PLCD4: variants seen among roughly 807,000 people sequenced by gnomAD.
The protein encoded by PLCD4 is phospholipase C delta 4, also known as 1-phosphatidylinositol 4,5-bisphosphate phosphodiesterase delta-4.
In PLCD4, 63 loss-of-function variants were observed where a neutral mutation model predicts 90.2. That is an observed-to-expected ratio of 0.70 (90% CI 0.57 to 0.86). The LOEUF is 0.86. Among genes scored for constraint, PLCD4 ranks in the 40% least tolerant of loss-of-function variants. The pLI is 0.00. For synonymous variants in PLCD4, 294 were observed against 356.5 expected (o/e 0.82, Z 1.97); for missense variants, 830 against 956.3 (o/e 0.87, Z 1.74).
intron 10 of PLCD4, among the ~76,000 whole-genome samples, 160 bp downstream of exon 10, chr2:218,632,472 T>A (rs1036954714): frequency 6.6e-6 from 1 of 152,134 alleles, no homozygotes; most frequent in African/African-American, 2.4e-5. Flanking sequence ...CATCAATATA[T>A]ATTATATACT....
rs892460068 is a variant in PLCD4, at chr2:218,634,381, T to C, written c.1724-77T>C. ...GCAGGTACCGTGCACCCAGTACCTA[T>C]CTTCTTAACTCCCTGAAAGAGGGGC... On this transcript the variant is annotated intron_variant, in intron 12 of 15. Coordinates refer to ENST00000450993, the MANE Select transcript of PLCD4 (RefSeq NM_032726.4). The surrounding 1 kb of genome is among the most constrained non-coding windows in gnomAD (Gnocchi z 4.0). 3 of 1,571,660 alleles carry C rather than the reference T, an allele frequency of 1.9e-6. No homozygotes were observed. In the Admixed American group the frequency reaches 5.3e-5, roughly 28 times the overall value.
intron 3 of PLCD4, 139 bp from the exon 4 acceptor site, chr2:218,618,440 C>T (rs1487097028): frequency 1.2e-5 from 8 of 695,036 alleles, no homozygotes; most frequent in African/African-American, 3.6e-5. Flanking sequence ...TGTACTAATG[C>T]TTTTTGGGAT....
In PLCD4 at chr2:218,636,258, G is replaced by C. The variant is rs1293954280; in HGVS notation, c.2048G>C (p.Trp683Ser). 6.2e-7 allele frequency: 1 copy of C among 1,613,960 alleles called. No individual in the cohort carries two copies. The highest frequency in any genetic ancestry group is 1.1e-5 in the South Asian group (1 of 91,082). ...YVENNGFNPY[W>S]GQTLCFRVLV... Reference sequence around the variant, plus strand: ...ACCAACTCAGGTTTTAATCCATACTGGGGGCAGACACTATGTTTCCGGGTG... The same window carrying C: ...ACCAACTCAGGTTTTAATCCATACTCGGGGCAGACACTATGTTTCCGGGTG... The change falls in exon 15 of 16, where the codon TGG becomes TCG. Residue 683 changes from tryptophan (W) to serine (S), a missense_variant. Transcript: ENST00000450993.
At chr2:218,627,520 C>CT (rs980413681) in intron 6 of PLCD4, among the ~76,000 whole-genome samples, 22 of 148,534 alleles carry the variant, frequency 1.5e-4, no homozygotes, top group African/African-American at 1.5e-4. Context: ...CTCAAATGAA[C>CT]TTTTTTTTTT....
chr2:218,610,245 C>T lies in PLCD4; in HGVS notation c.-34+2175C>T, dbSNP rs373538891. 6.6e-5 allele frequency among the ~76,000 whole-genome samples: 10 copies of T among 151,700 alleles called. No homozygotes were observed. The East Asian group carries it at 1.6e-3, about 24-fold the overall frequency. ...AAAGAGGCTGGGCATGGTGGCTCAC[C>T]CCTGTAACCCCAGCACTTAGGGAGG... is the stretch of plus-strand genomic sequence containing the variant. On this transcript the variant is annotated intron_variant, in intron 1 of 15. Transcript: ENST00000450993.
chr2:218,617,661 T>A (rs1192302602), intron 3 of PLCD4, among the ~76,000 whole-genome samples: 2 of 152,120 alleles, frequency 1.3e-5, no homozygotes, highest in Non-Finnish European at 2.9e-5. Flanking sequence ...CATAATTTGA[T>A]CACAGGACAC....
intron 1 of PLCD4, 31 bp from the exon 2 acceptor site, chr2:218,615,676 C>T: frequency 6.6e-7 from 1 of 1,522,998 alleles, no homozygotes; most frequent in Non-Finnish European, 8.8e-7. Context: ...AAGATTCACC[C>T]AGAGCCCTTT....
At position 218,633,435 on chromosome 2, in the gene PLCD4, C is replaced by T. The variant is rs1010664154; in HGVS notation, c.1450-170C>T. On this transcript the variant is annotated intron_variant, in intron 10 of 15. Transcript: ENST00000450993. The stretch of plus-strand genomic sequence containing the variant: ...CCGTCTATCTGTTGTCAGATTGTGG[C>T]CCAGGCTCCTATTTCCAAGCCTGAG... 1.8e-5 allele frequency: 14 copies of T among 792,792 alleles called. No homozygotes were observed. The African/African-American group carries it at 2.4e-4, about 13-fold the overall frequency. The allele number at this position is 792,792 out of a possible 1,614,324, so 49.1% of individuals were successfully genotyped here.
In PLCD4 at chr2:218,629,665, T is replaced by G. The variant is rs761130470; in HGVS notation, c.1119+2T>G. The G allele has an allele frequency of 6.2e-7, 1 of 1,611,802 alleles. No homozygotes were observed. Among genetic ancestry groups the G allele is most frequent in the South Asian group, 1.1e-5 (1 of 90,878 alleles). On this transcript the variant is annotated splice_donor_variant, in intron 8 of 15. Coordinates refer to ENST00000450993, the MANE Select transcript of PLCD4 (RefSeq NM_032726.4). LOFTEE classifies it high-confidence loss of function. ...ACAGTAGCACAGTATGCCTTCCAGG[T>G]AGTAGCCCCAGGATGGGGACACTGG...
intron 1 of PLCD4, among the ~76,000 whole-genome samples, chr2:218,608,942 T>A (rs1695207920): frequency 6.6e-6 from 1 of 151,822 alleles, no homozygotes; most frequent in East Asian, 1.9e-4. Flanking sequence ...ATTGAGACCA[T>A]CCTGGCTAAC....
At chr2:218,628,477 G>A (rs1448667637) in intron 7 of PLCD4, 1 of 441,836 alleles carries the variant, frequency 2.3e-6, no homozygotes, top group East Asian at 3.4e-5. Flanking sequence ...GGCCCTGACA[G>A]ATTTATATTT....
rs750166743 is a variant in PLCD4, at chr2:218,634,615, G to C, written c.1881G>C (p.Gln627His). 6.2e-7 allele frequency: 1 copy of C among 1,613,758 alleles called. No homozygotes were observed. The highest frequency in any genetic ancestry group is 1.3e-5 in the African/African-American group (1 of 74,916). The change falls in exon 13 of 16, where the codon CAG becomes CAC. Residue 627 changes from glutamine to histidine, a missense_variant. Transcript: ENST00000450993. This position sits in a 1 kb window ranked among gnomAD's most constrained non-coding sequence, Gnocchi z 4.0. The stretch of plus-strand genomic sequence containing the variant: ...AGCCCATCAGCCCTTTCAAAGCCCA[G>C]ACTCTCTTAATCCAGGTACAGTGGA... The part of the protein sequence containing the change: ...PEKPISPFKA[Q>H]TLLIQVISGQ...
chr2:218,630,165 T>C (rs1031361842), intron 8 of PLCD4, among the ~76,000 whole-genome samples: 2 of 151,760 alleles, frequency 1.3e-5, no homozygotes, highest in Non-Finnish European at 2.9e-5. Flanking sequence ...GCAGCAAGAG[T>C]GAAACTCCAT....
intron 1 of PLCD4, among the ~76,000 whole-genome samples, chr2:218,615,058 C>G (rs1042990032): frequency 6.6e-6 from 1 of 151,892 alleles, no homozygotes; most frequent in African/African-American, 2.4e-5. Context: ...GAAAACCTGT[C>G]TGTACTAAAA....
intron 3 of PLCD4, among the ~76,000 whole-genome samples, chr2:218,617,909 C>T (rs1486756279): frequency 6.6e-6 from 1 of 151,996 alleles, no homozygotes; most frequent in Non-Finnish European, 1.5e-5. Flanking sequence ...CACAGTGAAA[C>T]CCCATCCCTA....
intron 1 of PLCD4, among the ~76,000 whole-genome samples, chr2:218,610,933 G>A (rs758133078): frequency 7.9e-5 from 12 of 152,026 alleles, no homozygotes; most frequent in East Asian, 3.9e-4. Context: ...TCACCATGTC[G>A]GTCAGGCTGG....
intron 4 of PLCD4, among the ~76,000 whole-genome samples, chr2:218,619,266 C>CATATATAT (rs3074252): frequency 6.8e-6 from 1 of 146,720 alleles, no homozygotes; most frequent in African/African-American, 2.5e-5. Context: ...TATAGGGGTA[C>CATATATAT]ATATATATAT....
Position 218,633,395 on chromosome 2 carries a change from T to C in PLCD4, c.1450-210T>C, listed in dbSNP as rs761386131. 5.6e-6 allele frequency: 4 copies of C among 712,246 alleles called. No individual in the cohort carries two copies. In the South Asian group the frequency reaches 5.9e-5, roughly 11 times the overall value. 44.1% of individuals were successfully genotyped at this position (712,246 alleles called of 1,614,324 possible). A position where few individuals can be genotyped will look rare whatever the true frequency, so the allele number is the denominator to read the frequency against. Reference sequence around the variant, plus strand: ...CCATTCCCACCCCCAGGTTGTGACGTGCCCGCTGTTTTGTCCGTCTATCTG... The same window carrying C: ...CCATTCCCACCCCCAGGTTGTGACGCGCCCGCTGTTTTGTCCGTCTATCTG... On this transcript the variant is annotated intron_variant, in intron 10 of 15. Transcript: ENST00000450993.
rs917777569 is a variant in PLCD4, at chr2:218,618,571, T to C, written c.182-8T>C. On this transcript the variant is annotated splice_polypyrimidine_tract_variant and splice_region_variant and intron_variant, in intron 3 of 15. Transcript: ENST00000450993. ...CCTTAATGCCTCCACCTGTTTCTTC[T>C]CTGGCAGTCTCAATCTCTGATGTGG... 6 of 1,612,974 alleles carry C rather than the reference T, an allele frequency of 3.7e-6. No homozygotes were observed. Among genetic ancestry groups the C allele is most frequent in the Non-Finnish European group, 5.1e-6 (6 of 1,179,104 alleles).
Sources: gnomAD v4.1 joint callset for allele counts (sites outside exome capture counted in the v4.1 genomes callset) on GRCh38, gnomAD v4.1.1 for gene constraint, Gnocchi (gnomAD v3.1) non-coding constraint, MANE v1.5 for transcripts, NCBI Gene and HGNC (gene_info 2026-07-23, HGNC 2026-07-21) for gene names.